Variants in COL5A2 observed in about 807,000 individuals in gnomAD.
The protein encoded by COL5A2 is collagen alpha-2(V) chain.
COL5A2 carries 23 observed loss-of-function variants against 208.2 expected under a neutral mutation model. The ratio of observed to expected loss-of-function variants is 0.11; its 90% CI spans 0.08 to 0.16. The LOEUF (loss-of-function observed/expected upper bound fraction) is 0.16. Among genes scored for constraint, COL5A2 ranks in the 10% least tolerant of loss-of-function variants. COL5A2 has a pLI of 1.00. For missense variants in COL5A2, 1,590 were observed against 1,956.4 expected (o/e 0.81, Z 3.53); for synonymous variants, 625 against 628.5 (o/e 0.99, Z 0.08).
chr2:189,319,783 A>T, the COL5A2 span, among the ~76,000 whole-genome samples: 1 of 152,236 alleles, frequency 6.6e-6, no homozygotes, highest in South Asian at 2.1e-4. Flanking sequence ...CTGCAGACTT[A>T]AATGTCCCTG....
chr2:189,263,378 C>T, the COL5A2 span, among the ~76,000 whole-genome samples: 7 of 152,228 alleles, frequency 4.6e-5, no homozygotes, highest in South Asian at 2.1e-4. Context: ...CAGTCATGTA[C>T]TGCATAATAC....
the COL5A2 span, among the ~76,000 whole-genome samples, chr2:189,336,798 G>C: frequency 1.3e-5 from 2 of 152,114 alleles, no homozygotes; most frequent in East Asian, 1.9e-4. Flanking sequence ...TTGCACAATA[G>C]TCAAAATCTT....
At chr2:189,288,583 T>G in the COL5A2 span, among the ~76,000 whole-genome samples, 2 of 152,096 alleles carry the variant, frequency 1.3e-5, no homozygotes, top group African/African-American at 4.8e-5. Flanking sequence ...AATGAAAAGT[T>G]TTCCATGAAA....
At chr2:189,235,865 T>C in the COL5A2 span, among the ~76,000 whole-genome samples, 71 of 151,716 alleles carry the variant, frequency 4.7e-4, no homozygotes, top group Non-Finnish European at 9.6e-4. Context: ...TTGGAGTAAG[T>C]AACTAGTAAT....
chr2:189,075,803 T>G (rs1169153193), intron 16 of COL5A2, among the ~76,000 whole-genome samples: 7 of 152,064 alleles, frequency 4.6e-5, no homozygotes, highest in African/African-American at 1.7e-4. Context: ...GTCCAGAAAA[T>G]AAAATACACA....
At chr2:189,116,183 C>T (rs548097760) in intron 1 of COL5A2, among the ~76,000 whole-genome samples, 99 of 152,234 alleles carry the variant, frequency 6.5e-4, no homozygotes, top group African/African-American at 2.2e-3. Context: ...CAGCTGGTGG[C>T]CTCATGAAGT....
chr2:189,095,103 G>GCCTTCCGTA lies in COL5A2; in HGVS notation c.456+2173_456+2174insTACGGAAGG, dbSNP rs1184585378. The GCCTTCCGTA allele has an allele frequency of 6.0e-5, 9 of 150,526 alleles. No individual in the cohort carries two copies. The Admixed American group carries it at 6.0e-4, about 10-fold the overall frequency. 9.3% of individuals were successfully genotyped at this position (150,526 alleles called of 1,614,324 possible). A position where few individuals can be genotyped will look rare whatever the true frequency, so the allele number is the denominator to read the frequency against. ...AATAGTGTTAACAGTGAGAAACCATGCTGTACATTGTGAGCCTTCCGTACT... is the reference window on the plus strand; with the variant it reads ...AATAGTGTTAACAGTGAGAAACCATGCCTTCCGTACTGTACATTGTGAGCCTTCCGTACT... On this transcript the variant is annotated intron_variant, in intron 6 of 53. Coordinates refer to ENST00000374866, the MANE Select transcript of COL5A2 (RefSeq NM_000393.5).
At chr2:189,327,072 A>AAAT in the COL5A2 span, among the ~76,000 whole-genome samples, 12,869 of 148,178 alleles carry the variant, frequency 0.087, 1,034 homozygotes, top group African/African-American at 0.22. Flanking sequence ...TTCTGTCTCG[A>AAAT]AATAATAATA....
At chr2:189,372,230 G>A in the COL5A2 span, among the ~76,000 whole-genome samples, 2 of 152,012 alleles carry the variant, frequency 1.3e-5, no homozygotes, top group Non-Finnish European at 2.9e-5. Context: ...AGAAAATATG[G>A]GAAAACACTT....
At position 189,068,901 on chromosome 2, in the gene COL5A2, G is replaced by A. The variant is rs1318670003; in HGVS notation, c.1159-17C>T. The stretch of plus-strand genomic sequence containing the variant: ...TGCTTCTCCCTAAAAGGGTGCAAAG[G>A]GAAATGTTAATTTAAGAAAAATACG... On this transcript the variant is annotated splice_polypyrimidine_tract_variant and intron_variant, in intron 18 of 53. Coordinates refer to ENST00000374866, the MANE Select transcript of COL5A2 (RefSeq NM_000393.5). 1 of 1,545,100 alleles carries A rather than the reference G, an allele frequency of 6.5e-7. No homozygotes were observed. Among genetic ancestry groups the A allele is most frequent in the East Asian group, 2.2e-5 (1 of 44,554 alleles).
chr2:189,232,068 G>T, the COL5A2 span, among the ~76,000 whole-genome samples: 2 of 151,664 alleles, frequency 1.3e-5, no homozygotes, highest in African/African-American at 2.4e-5. Context: ...AGACCCTTCT[G>T]GGCCTGAGCA....
the COL5A2 span, among the ~76,000 whole-genome samples, chr2:189,393,711 G>T: frequency 2.8e-4 from 42 of 152,192 alleles, 1 homozygote; most frequent in African/African-American, 7.7e-4. Flanking sequence ...CAATAATTAG[G>T]TCTTACTCCT....
At chr2:189,377,982 C>G in the COL5A2 span, among the ~76,000 whole-genome samples, 1 of 152,194 alleles carries the variant, frequency 6.6e-6, no homozygotes, top group African/African-American at 2.4e-5. Context: ...CACCCTACAG[C>G]TGAGAAAATT....
rs1244711149 is a variant in COL5A2 at position 189,083,967 on chromosome 2, GTT to G, written c.852+15_852+16del. 1 of 1,591,044 alleles carries G rather than the reference GTT, an allele frequency of 6.3e-7. No individual in the cohort carries two copies. Among genetic ancestry groups the G allele is most frequent in the Non-Finnish European group, 8.6e-7 (1 of 1,159,412 alleles). On this transcript the variant is annotated intron_variant, in intron 12 of 53. Coordinates refer to ENST00000374866, the MANE Select transcript of COL5A2 (RefSeq NM_000393.5). ...TTTATTTTTCAAAGTTTGCCTTTATGTTGAGTATAAACTTACCGGAGATCCTG... is the reference window on the plus strand; with the variant it reads ...TTTATTTTTCAAAGTTTGCCTTTATGGAGTATAAACTTACCGGAGATCCTG...
At chr2:189,216,847 T>C (rs1689285301) in intron 1 of COL5A2, among the ~76,000 whole-genome samples, 1 of 152,200 alleles carries the variant, frequency 6.6e-6, no homozygotes, top group African/African-American at 2.4e-5. Context: ...TGTATGATTT[T>C]TATTATTAAT....
chr2:189,361,982 TAC>T, the COL5A2 span, among the ~76,000 whole-genome samples: 7 of 152,126 alleles, frequency 4.6e-5, no homozygotes, highest in African/African-American at 1.7e-4. Context: ...AGCCAATTGT[TAC>T]AGTTATTGAT....
chr2:189,036,521 G>T, intron 52 of COL5A2, 95 bp downstream of exon 52: 2 of 992,826 alleles, frequency 2.0e-6, no homozygotes, highest in East Asian at 2.6e-5. Context: ...AAATAAGCCT[G>T]GTTTAAAAAA....
the COL5A2 span, among the ~76,000 whole-genome samples, chr2:189,368,627 G>C: frequency 6.6e-6 from 1 of 152,130 alleles, no homozygotes. Flanking sequence ...ATCACCAGTA[G>C]AATGCATTCA....
chr2:189,288,990 T>C, the COL5A2 span, among the ~76,000 whole-genome samples: 1 of 152,204 alleles, frequency 6.6e-6, no homozygotes, highest in Non-Finnish European at 1.5e-5. Flanking sequence ...AAAAAGCATT[T>C]GACAAAATTC....
Sources: gnomAD v4.1 joint callset for allele counts (sites outside exome capture counted in the v4.1 genomes callset) on GRCh38, gnomAD v4.1.1 for gene constraint, MANE v1.5 for transcripts, NCBI Gene and HGNC (gene_info 2026-07-23, HGNC 2026-07-21) for gene names.